IGSF21: variants seen among roughly 807,000 people sequenced by gnomAD.
The protein encoded by IGSF21 is immunoglobulin superfamily member 21.
IGSF21 carries 28 observed loss-of-function variants against 46.8 expected under a neutral mutation model. That is an observed-to-expected ratio of 0.60 (90% CI 0.44 to 0.82). IGSF21 has a LOEUF of 0.82. IGSF21 is among the 40% of genes least tolerant of loss of function. The pLI is 0.00. For synonymous variants in IGSF21, 284 were observed against 273.6 expected, an observed-to-expected ratio of 1.04 and a Z score of -0.38; for missense variants, 624 against 665.5, an observed-to-expected ratio of 0.94 and a Z score of 0.69.
Position 18,233,493 on chromosome 1 carries a change from A to T in IGSF21, c.183+5483A>T, listed in dbSNP as rs115944907. On this transcript the variant is annotated intron_variant, in intron 2 of 9. Coordinates refer to ENST00000251296, the MANE Select transcript of IGSF21 (RefSeq NM_032880.5). ...GAGTTTGACCTTGGGTGGTGACCTA[A>T]CCTTTCAGCCTTTTAGAAACTTCAC... Among the ~76,000 whole-genome samples the T allele has an allele frequency of 3.0e-3, 464 of 152,282 alleles. 2 individuals are homozygous for T. The highest frequency in any genetic ancestry group is 0.01 in the African/African-American group (419 of 41,562).
At chr1:18,333,415 C>T (rs2085734890) in intron 3 of IGSF21, among the ~76,000 whole-genome samples, 2 of 152,222 alleles carry the variant, frequency 1.3e-5, no homozygotes, top group African/African-American at 4.8e-5. Context: ...TCGCTCTCCC[C>T]ACAGAGCTTC....
At chr1:18,163,567 C>T (rs4920300) in intron 1 of IGSF21, among the ~76,000 whole-genome samples, 8,179 of 152,268 alleles carry the variant, frequency 0.054, 308 homozygotes, top group South Asian at 0.13. Context: ...TCAGGTACAT[C>T]GGTCTCGGTT....
intron 1 of IGSF21, among the ~76,000 whole-genome samples, chr1:18,209,823 T>C (rs1305968653): frequency 2.6e-5 from 4 of 152,192 alleles, no homozygotes; most frequent in Middle Eastern, 3.4e-3. Flanking sequence ...CCTGGTCCTG[T>C]CATTTCTTGT....
At chr1:18,134,506 A>G (rs991373018) in intron 1 of IGSF21, among the ~76,000 whole-genome samples, 7 of 152,172 alleles carry the variant, frequency 4.6e-5, no homozygotes, top group African/African-American at 1.7e-4. Context: ...CTATCCGCTC[A>G]TCTCCCAGGC....
At chr1:18,163,631 A>T (rs554594255) in intron 1 of IGSF21, among the ~76,000 whole-genome samples, 110 of 151,892 alleles carry the variant, frequency 7.2e-4, no homozygotes, top group Non-Finnish European at 7.5e-4. Flanking sequence ...CTTTTCATCC[A>T]CTCTATTTGT....
intron 1 of IGSF21, among the ~76,000 whole-genome samples, chr1:18,142,448 C>T (rs1236786315): frequency 1.3e-5 from 2 of 152,194 alleles, no homozygotes; most frequent in African/African-American, 4.8e-5. Flanking sequence ...TCTACCCTTA[C>T]TTGATCACCT....
At chr1:18,336,294 G>A (rs575692413) in intron 4 of IGSF21, among the ~76,000 whole-genome samples, 5 of 152,324 alleles carry the variant, frequency 3.3e-5, no homozygotes, top group African/African-American at 1.2e-4. Flanking sequence ...GACTGCAGGT[G>A]GGTGGCTGCT....
At chr1:18,242,695 T>G (rs61760775) in intron 2 of IGSF21, among the ~76,000 whole-genome samples, 2,680 of 152,304 alleles carry the variant, frequency 0.018, 27 homozygotes, top group Non-Finnish European at 0.025. Context: ...GAATATCAAG[T>G]CATGCAAAGC....
chr1:18,275,706 G>A (rs924369564), intron 2 of IGSF21, among the ~76,000 whole-genome samples: 1 of 152,186 alleles, frequency 6.6e-6, no homozygotes, highest in African/African-American at 2.4e-5. Flanking sequence ...CTGGACTAAA[G>A]TCTGTGTCAT....
intron 1 of IGSF21, among the ~76,000 whole-genome samples, chr1:18,164,647 T>C (rs2086660248): frequency 6.6e-6 from 1 of 152,150 alleles, no homozygotes; most frequent in Non-Finnish European, 1.5e-5. Context: ...TTTCATATAT[T>C]GATGGGCAAT....
At chr1:18,280,783 C>G (rs1350691307) in intron 2 of IGSF21, among the ~76,000 whole-genome samples, 1 of 151,970 alleles carries the variant, frequency 6.6e-6, no homozygotes, top group African/African-American at 2.4e-5. Flanking sequence ...GTCCTGAACC[C>G]CCCTCACTCT....
chr1:18,172,845 A>G (rs11260943), intron 1 of IGSF21, among the ~76,000 whole-genome samples: 47,096 of 152,000 alleles, frequency 0.31, 8,881 homozygotes, highest in African/African-American at 0.53. Context: ...GGGCAGAGCT[A>G]GGCTTTGAAC....
chr1:18,150,973 T>C (rs946258928), intron 1 of IGSF21, among the ~76,000 whole-genome samples: 1 of 152,056 alleles, frequency 6.6e-6, no homozygotes, highest in Admixed American at 6.6e-5. Flanking sequence ...AAAGCAGGGG[T>C]GGTGCCTGTC....
chr1:18,228,882 G>C (rs902883888), intron 2 of IGSF21, among the ~76,000 whole-genome samples: 7 of 152,196 alleles, frequency 4.6e-5, no homozygotes, highest in Admixed American at 3.9e-4. Flanking sequence ...TGCTGGTATG[G>C]CATCAAAACA....
At chr1:18,257,577 G>A (rs2084903629) in intron 2 of IGSF21, among the ~76,000 whole-genome samples, 1 of 152,100 alleles carries the variant, frequency 6.6e-6, no homozygotes, top group African/African-American at 2.4e-5. Context: ...GAGTTTCTAG[G>A]ATTCCTGATG....
intron 1 of IGSF21, among the ~76,000 whole-genome samples, chr1:18,161,829 T>G (rs1290922095): frequency 6.6e-6 from 1 of 152,026 alleles, no homozygotes; most frequent in Non-Finnish European, 1.5e-5. Context: ...AGGCTTGAAA[T>G]CAAGCAGATG....
intron 1 of IGSF21, among the ~76,000 whole-genome samples, chr1:18,183,791 C>T (rs1345049679): frequency 4.6e-5 from 7 of 152,146 alleles, no homozygotes; most frequent in East Asian, 1.9e-4. Context: ...GCAGCTCCCT[C>T]GGGTGGCGGG....
At chr1:18,166,633 A>G (rs947497253) in intron 1 of IGSF21, among the ~76,000 whole-genome samples, 1 of 152,152 alleles carries the variant, frequency 6.6e-6, no homozygotes, top group Non-Finnish European at 1.5e-5. Flanking sequence ...TATGAATAAC[A>G]GCTCGTATTT....
intron 1 of IGSF21, among the ~76,000 whole-genome samples, chr1:18,122,516 C>T (rs944707811): frequency 4.6e-5 from 7 of 151,784 alleles, no homozygotes; most frequent in Non-Finnish European, 1.0e-4. Flanking sequence ...TTTTTTACAC[C>T]ATCATTTTCT....
Sources: allele counts gnomAD v4.1 joint callset (sites outside exome capture counted in the v4.1 genomes callset), GRCh38; gene constraint gnomAD v4.1.1; transcripts MANE v1.5; gene names NCBI Gene and HGNC (gene_info 2026-07-23, HGNC 2026-07-21).